AOPEP: variants seen among roughly 807,000 people sequenced by gnomAD.
AOPEP encodes the protein aminopeptidase O.
Under a neutral mutation model 98.1 loss-of-function variants are expected in AOPEP, and 77 were observed. The ratio of observed to expected loss-of-function variants is 0.78; its 90% CI spans 0.65 to 0.95. AOPEP has a LOEUF of 0.95. Ranked by LOEUF, AOPEP falls within the 40% of genes least tolerant of loss-of-function variation. The pLI, the probability that AOPEP is intolerant of heterozygous loss-of-function variation, is 0.00. For missense variants in AOPEP, 1,024 were observed against 1,024.7 expected (o/e 1.00, Z 0.01); for synonymous variants, 346 against 365.3 (o/e 0.95, Z 0.60).
intron 5 of AOPEP, among the ~76,000 whole-genome samples, chr9:94,865,805 A>G (rs1482272320): frequency 6.6e-6 from 1 of 152,248 alleles, no homozygotes. Flanking sequence ...ACTCTTATGT[A>G]AAAATCTATT....
At chr9:94,918,411 C>T (rs1279251120) in intron 5 of AOPEP, among the ~76,000 whole-genome samples, 2 of 152,180 alleles carry the variant, frequency 1.3e-5, no homozygotes, top group Non-Finnish European at 2.9e-5. Flanking sequence ...GATAGCTTCC[C>T]ATTGGTGCCT....
chr9:94,728,035 C>T (rs528846561), intron 1 of AOPEP, among the ~76,000 whole-genome samples: 34 of 152,260 alleles, frequency 2.2e-4, no homozygotes, highest in African/African-American at 7.9e-4. Context: ...AATATAACTT[C>T]AAAGCCTGCA....
intron 3 of AOPEP, 108 bp from the exon 4 acceptor site, chr9:94,792,657 C>G: frequency 9.0e-7 from 1 of 1,111,020 alleles, no homozygotes; most frequent in African/African-American, 1.6e-5. Context: ...AGAGTTGGCT[C>G]TTACCAGCTT....
chr9:94,888,152 A>T (rs1324146873), intron 5 of AOPEP, among the ~76,000 whole-genome samples: 5 of 152,216 alleles, frequency 3.3e-5, no homozygotes, highest in Non-Finnish European at 4.4e-5. Context: ...AAATCTCTCC[A>T]TAACAGCTGA....
At chr9:94,760,872 A>G (rs12337706) in intron 2 of AOPEP, 15,214 of 260,864 alleles carry the variant, frequency 0.058, 626 homozygotes, top group South Asian at 0.1. Context: ...CTCGCTCTCC[A>G]TTGAGATCTC....
At chr9:95,001,740 C>A (rs186231055) in intron 11 of AOPEP, among the ~76,000 whole-genome samples, 1 of 152,136 alleles carries the variant, frequency 6.6e-6, no homozygotes, top group East Asian at 1.9e-4. Flanking sequence ...GAATTAGGAA[C>A]CTTTCTCATT....
chr9:94,798,223 C>G (rs1847461718), intron 4 of AOPEP, among the ~76,000 whole-genome samples: 1 of 152,158 alleles, frequency 6.6e-6, no homozygotes. Context: ...TCTATGGGAG[C>G]CTTACCCTTC....
At chr9:95,108,959 G>A in the AOPEP span, among the ~76,000 whole-genome samples, 1,876 of 150,752 alleles carry the variant, frequency 0.012, 28 homozygotes, top group South Asian at 0.046. Context: ...AGGCTGGAAT[G>A]CAGTGGTGCA....
intron 13 of AOPEP, among the ~76,000 whole-genome samples, chr9:95,053,346 AT>A (rs1229275517): frequency 2.6e-5 from 4 of 152,262 alleles, no homozygotes; most frequent in Non-Finnish European, 4.4e-5. Flanking sequence ...AAATTGAACC[AT>A]AGTTTACATT....
rs143219610 is a variant in AOPEP, at chr9:95,044,158, A to G, written c.2116-16536A>G. 3.9e-5 allele frequency among the ~76,000 whole-genome samples: 6 copies of G among 152,344 alleles called. No individual in the cohort carries two copies. The East Asian group carries it at 1.2e-3, about 29-fold the overall frequency. On this transcript the variant is annotated intron_variant, in intron 13 of 16. Coordinates refer to ENST00000375315, the MANE Select transcript of AOPEP (RefSeq NM_001193329.3). ...AGCTTCCTAGGGAAAATGTCCCTGA[A>G]ACAGATAAGACATTTACCTGTAATG...
intron 13 of AOPEP, among the ~76,000 whole-genome samples, chr9:95,040,904 A>G (rs1209026135): frequency 7.8e-5 from 5 of 64,368 alleles, no homozygotes; most frequent in African/African-American, 2.3e-4. Context: ...CTGATAGAAA[A>G]CACGGTAAAC....
chr9:94,938,564 T>C (rs1046962248), intron 7 of AOPEP, among the ~76,000 whole-genome samples: 5 of 152,026 alleles, frequency 3.3e-5, no homozygotes, highest in African/African-American at 7.2e-5. Flanking sequence ...CAAAGCCTGG[T>C]AGGCATAAAA....
At chr9:95,125,781 A>G in the AOPEP span, among the ~76,000 whole-genome samples, 1 of 152,254 alleles carries the variant, frequency 6.6e-6, no homozygotes, top group African/African-American at 2.4e-5. Context: ...TCTGCCCTGC[A>G]GCCTCTGCTG....
chr9:95,003,221 C>T (rs1000845597), intron 11 of AOPEP, among the ~76,000 whole-genome samples: 12 of 152,266 alleles, frequency 7.9e-5, no homozygotes, highest in African/African-American at 2.2e-4. Flanking sequence ...AGGGAAAAAA[C>T]TTTTCAAATA....
chr9:95,017,220 C>T (rs1038579177), intron 13 of AOPEP, among the ~76,000 whole-genome samples: 1 of 151,798 alleles, frequency 6.6e-6, no homozygotes, highest in African/African-American at 2.4e-5. Context: ...CTTTAGTTTT[C>T]AGTGTCAAAG....
In AOPEP at chr9:94,851,846, C is replaced by T. The variant is rs115487260; in HGVS notation, c.1364+50844C>T. ...TTAACCCCTCTCATGATTCCCATCCCTGGAGGTGGTGGTTTATTTGGTATG... is the reference window on the plus strand; with the variant it reads ...TTAACCCCTCTCATGATTCCCATCCTTGGAGGTGGTGGTTTATTTGGTATG... On this transcript the variant is annotated intron_variant, in intron 5 of 16. Coordinates refer to ENST00000375315, the MANE Select transcript of AOPEP (RefSeq NM_001193329.3). Among the ~76,000 whole-genome samples, 1,124 of 150,722 alleles carry T rather than the reference C, an allele frequency of 7.5e-3. 18 individuals carry two copies. The highest frequency in any genetic ancestry group is 0.025 in the African/African-American group (1,033 of 40,870).
rs903800420 is a variant in AOPEP, at chr9:94,924,009, A to G, written c.1388A>G (p.Gln463Arg). The change falls in exon 6 of 17, where the codon CAG (glutamine) becomes CGG (arginine). Residue 463 changes from glutamine (Q) to arginine (R), a missense_variant. Coordinates refer to ENST00000375315, the MANE Select transcript of AOPEP (RefSeq NM_001193329.3). ...AGCCCACACATCATGTTCCTCTCTCAGAGCATCTTGACAGGAGGGAACCAT... is the reference window on the plus strand; with the variant it reads ...AGCCCACACATCATGTTCCTCTCTCGGAGCATCTTGACAGGAGGGAACCAT... Reference protein sequence around the residue: ...MASPHIMFLSQSILTGGNHLC... With the variant: ...MASPHIMFLSRSILTGGNHLC... 8 of 1,477,798 alleles carry G rather than the reference A, an allele frequency of 5.4e-6. No homozygotes were observed. The highest frequency in any genetic ancestry group is 7.2e-6 in the Non-Finnish European group (8 of 1,109,680). 91.5% of individuals were successfully genotyped at this position (1,477,798 alleles called of 1,614,324 possible).
intron 3 of AOPEP, among the ~76,000 whole-genome samples, chr9:94,789,999 G>A (rs1282188042): frequency 2.0e-5 from 3 of 151,452 alleles, no homozygotes; most frequent in South Asian, 2.1e-4. Flanking sequence ...TCAGCCTCCC[G>A]AGTAGCTGGG....
downstream of AOPEP, among the ~76,000 whole-genome samples, chr9:95,089,873 C>G (rs190890907): frequency 6.6e-6 from 1 of 152,260 alleles, no homozygotes; most frequent in Non-Finnish European, 1.5e-5. Context: ...CTGTAAGAAA[C>G]TGACAGGAAC....
Sources: allele counts gnomAD v4.1 joint callset (sites outside exome capture counted in the v4.1 genomes callset), GRCh38; gene constraint gnomAD v4.1.1; transcripts MANE v1.5; gene names NCBI Gene and HGNC (gene_info 2026-07-23, HGNC 2026-07-21).